FMN1: variants seen among roughly 807,000 people sequenced by gnomAD.
FMN1 encodes the protein formin 1.
FMN1 carries 110 observed loss-of-function variants against 132.4 expected under a neutral mutation model. That is an observed-to-expected ratio of 0.83 (90% CI 0.71 to 0.97). FMN1 has a LOEUF of 0.97. Among genes scored for constraint, FMN1 ranks in the 50% least tolerant of loss-of-function variants. The pLI, the probability that FMN1 is intolerant of heterozygous loss-of-function variation, is 0.00. For missense variants in FMN1, 1,792 were observed against 1,705.3 expected (o/e 1.05, Z -0.90); for synonymous variants, 722 against 651.7 (o/e 1.11, Z -1.64).
Position 33,067,733 on chromosome 15 carries a change from T to C in FMN1, c.2044-2659A>G, listed in dbSNP as rs199585207. ...TGCTTTCAGCACAGCATCTTCCTCT[T>C]CTGGATTCACAGATTCTAATTTACT... On this transcript the variant is annotated intron_variant, in intron 5 of 20. Coordinates refer to ENST00000616417, the MANE Select transcript of FMN1 (RefSeq NM_001277313.2). 1,719 of 1,614,016 alleles carry C rather than the reference T, an allele frequency of 1.1e-3. No homozygotes were observed. The highest frequency in any genetic ancestry group is 1.4e-3 in the Non-Finnish European group (1,655 of 1,179,884).
intron 6 of FMN1, among the ~76,000 whole-genome samples, chr15:33,026,565 A>C (rs759284910): frequency 6.6e-6 from 1 of 152,342 alleles, no homozygotes; most frequent in Middle Eastern, 3.4e-3. Context: ...CATATAATAC[A>C]TATATGATTT....
chr15:32,922,536 C>G (rs1040959421), intron 10 of FMN1, among the ~76,000 whole-genome samples: 4 of 152,096 alleles, frequency 2.6e-5, no homozygotes, highest in African/African-American at 9.7e-5. Flanking sequence ...AGAGTGTAGG[C>G]TGTGTTAAGG....
At chr15:32,923,393 A>G (rs2060881152) in intron 10 of FMN1, among the ~76,000 whole-genome samples, 1 of 152,258 alleles carries the variant, frequency 6.6e-6, no homozygotes, top group Non-Finnish European at 1.5e-5. Context: ...TGCCAGTGTC[A>G]GTCAATGACT....
intron 2 of FMN1, among the ~76,000 whole-genome samples, chr15:33,191,280 G>A (rs771839600): frequency 2.0e-5 from 3 of 152,190 alleles, no homozygotes; most frequent in Non-Finnish European, 2.9e-5. Flanking sequence ...ATCATTAGCA[G>A]TGACCTATGA....
intron 7 of FMN1, among the ~76,000 whole-genome samples, chr15:32,980,069 G>GT (rs1376102796): frequency 6.6e-6 from 1 of 152,110 alleles, no homozygotes; most frequent in Non-Finnish European, 1.5e-5. Flanking sequence ...AACAAAGAGG[G>GT]TTTGCTTGTC....
At position 32,857,845 on chromosome 15, in the gene FMN1, A is replaced by T. The variant is rs549499018; in HGVS notation, c.3836-738T>A. ...CTACAGGGAAGCCACAGTAAATCAT[A>T]GTTCACCATCACAAAAGGCAGTTAA... is the stretch of plus-strand genomic sequence containing the variant. On this transcript the variant is annotated intron_variant, in intron 16 of 20. Transcript: ENST00000616417. 5.3e-5 allele frequency among the ~76,000 whole-genome samples: 8 copies of T among 152,350 alleles called. No individual in the cohort carries two copies. In the South Asian group the frequency reaches 1.7e-3, roughly 32 times the overall value.
In FMN1 at chr15:32,926,259, G is replaced by C. The variant is rs753200916; in HGVS notation, c.3141C>G (p.Ile1047Met). The C allele has an allele frequency of 9.9e-6, 14 of 1,417,870 alleles. No homozygotes were observed. Among genetic ancestry groups the C allele is most frequent in the Non-Finnish European group, 1.3e-5 (14 of 1,049,772 alleles). 87.8% of individuals were successfully genotyped at this position (1,417,870 alleles called of 1,614,324 possible). A position where few individuals can be genotyped will look rare whatever the true frequency, so the allele number is the denominator to read the frequency against. Reference sequence around the variant, plus strand: ...ATCGTTTTCCATCCAACAATTTGATGATCTAAAATTAGAAAAAAAAAAAAA... The same window carrying C: ...ATCGTTTTCCATCCAACAATTTGATCATCTAAAATTAGAAAAAAAAAAAAA... ...TYEKKNKVKK[I>M]IKLLDGKRSQ... Residue 1047 changes from isoleucine to methionine, a missense_variant and splice_region_variant, in exon 10 of 21, where the codon ATC (isoleucine) becomes ATG (methionine). Transcript: ENST00000616417.
At chr15:32,918,139 C>T (rs928082895) in intron 10 of FMN1, among the ~76,000 whole-genome samples, 10 of 151,694 alleles carry the variant, frequency 6.6e-5, no homozygotes, top group African/African-American at 2.4e-4. Flanking sequence ...CTTGAAAATA[C>T]CTTACCTTAA....
intron 5 of FMN1, chr15:33,067,687 A>C (rs1425107576): frequency 6.2e-7 from 1 of 1,613,800 alleles, no homozygotes; most frequent in Non-Finnish European, 8.5e-7. Context: ...GAGATGTGGG[A>C]TTCACGTCTA....
At chr15:32,870,827 CCAT>C (rs552513312) in intron 16 of FMN1, among the ~76,000 whole-genome samples, 8 of 152,118 alleles carry the variant, frequency 5.3e-5, no homozygotes, top group Non-Finnish European at 1.0e-4. Context: ...AAAATCGCCA[CCAT>C]GAGAAGCCTT....
chr15:32,870,371 G>A lies in FMN1; in HGVS notation c.3836-13264C>T, dbSNP rs548202739. On this transcript the variant is annotated intron_variant, in intron 16 of 20. Transcript: ENST00000616417. Reference sequence around the variant, plus strand: ...ACCCACCAGGAAGCTGGAGTCCAGGGGAATCCCATGATTCTGATTCACTCC... The same window carrying A: ...ACCCACCAGGAAGCTGGAGTCCAGGAGAATCCCATGATTCTGATTCACTCC... Among the ~76,000 whole-genome samples, 3 of 152,232 alleles carry A rather than the reference G, an allele frequency of 2.0e-5. No homozygotes were observed. The East Asian group carries it at 5.8e-4, about 29-fold the overall frequency.
intron 15 of FMN1, among the ~76,000 whole-genome samples, chr15:32,897,520 C>T (rs2060189112): frequency 6.6e-6 from 1 of 152,152 alleles, no homozygotes; most frequent in Non-Finnish European, 1.5e-5. Flanking sequence ...AGTAAAAACA[C>T]ATTAGTAAGA....
intron 4 of FMN1, among the ~76,000 whole-genome samples, chr15:33,103,350 A>G (rs1287794153): frequency 6.6e-6 from 1 of 152,126 alleles, no homozygotes. Flanking sequence ...AGGGGGAAAT[A>G]ATGGTTCTCA....
rs1041052839 is a variant in FMN1, at chr15:32,954,976, T to C, written c.3138+9131A>G. Among the ~76,000 whole-genome samples the C allele has an allele frequency of 3.3e-5, 5 of 152,214 alleles. No homozygotes were observed. In the East Asian group the frequency reaches 7.7e-4, roughly 23 times the overall value. On this transcript the variant is annotated intron_variant, in intron 9 of 20. Transcript: ENST00000616417. The stretch of plus-strand genomic sequence containing the variant: ...TGACTAGGCAACAGAGTGAGACTTT[T>C]TGTCTCAAAACAAACAAAAAAATAA...
At chr15:33,055,816 AAG>A (rs1048909049) in intron 6 of FMN1, among the ~76,000 whole-genome samples, 1 of 152,192 alleles carries the variant, frequency 6.6e-6, no homozygotes, top group Non-Finnish European at 1.5e-5. Context: ...AACCACTATT[AAG>A]AGAGAGAAAA....
intron 5 of FMN1, among the ~76,000 whole-genome samples, chr15:33,070,794 G>A (rs1251599155): frequency 6.6e-6 from 1 of 152,186 alleles, no homozygotes; most frequent in Non-Finnish European, 1.5e-5. Flanking sequence ...CATGTGCCAA[G>A]CACAATTTTA....
At chr15:33,082,081 G>T (rs1207695341) in intron 5 of FMN1, among the ~76,000 whole-genome samples, 1 of 133,278 alleles carries the variant, frequency 7.5e-6, no homozygotes, top group Non-Finnish European at 1.6e-5. Context: ...TTGTCACCCA[G>T]GCTGGAAAAC....
At position 32,772,771 on chromosome 15, in the gene FMN1, T is replaced by A. The variant is rs186928447; in HGVS notation, c.*1539A>T. ...TCTCGAAGCTGACATTAGATTAGGA[T>A]ATGGTGCTGCTTTCATTACTGGATC... On this transcript the variant is annotated 3_prime_UTR_variant, in exon 21 of 21. Coordinates refer to ENST00000616417, the MANE Select transcript of FMN1 (RefSeq NM_001277313.2). The A allele has an allele frequency of 6.6e-6, 1 of 152,380 alleles. No homozygotes were observed. The highest frequency in any genetic ancestry group is 6.5e-5 in the Admixed American group (1 of 15,312). 9.4% of individuals were successfully genotyped at this position (152,380 alleles called of 1,614,324 possible). A position where few individuals can be genotyped will look rare whatever the true frequency, so the allele number is the denominator to read the frequency against.
At chr15:32,995,825 T>G (rs1478075435) in intron 7 of FMN1, among the ~76,000 whole-genome samples, 1 of 152,242 alleles carries the variant, frequency 6.6e-6, no homozygotes, top group East Asian at 1.9e-4. Flanking sequence ...AGGCTGCTTA[T>G]ACATATTCAG....
Sources: allele counts gnomAD v4.1 joint callset (sites outside exome capture counted in the v4.1 genomes callset), GRCh38; gene constraint gnomAD v4.1.1; transcripts MANE v1.5; gene names NCBI Gene and HGNC (gene_info 2026-07-23, HGNC 2026-07-21).